RBMS3: variants seen among roughly 807,000 people sequenced by gnomAD.
The protein encoded by RBMS3 is RNA-binding motif, single-stranded-interacting protein 3.
A neutral mutation model predicts 66.8 loss-of-function variants in RBMS3; 27 were observed. The observed-to-expected ratio is 0.40, with a 90% CI of 0.30 to 0.56. The LOEUF is 0.56. Ranked by LOEUF, RBMS3 falls within the 20% of genes least tolerant of loss-of-function variation. The pLI is 0.40. For missense variants in RBMS3, 513 were observed against 549.5 expected (o/e 0.93, Z 0.66); for synonymous variants, 188 against 183.0 (o/e 1.03, Z -0.22).
chr3:29,400,685 T>C (rs1270892697), intron 1 of RBMS3, among the ~76,000 whole-genome samples: 2 of 152,046 alleles, frequency 1.3e-5, no homozygotes, highest in East Asian at 1.9e-4. Flanking sequence ...GCATAGTGAA[T>C]AGGTGAAAAT....
intron 6 of RBMS3, among the ~76,000 whole-genome samples, chr3:29,843,764 C>T (rs1183378023): frequency 6.6e-6 from 1 of 152,012 alleles, no homozygotes; most frequent in Non-Finnish European, 1.5e-5. Context: ...GCCTGGGCAA[C>T]ATAGCAAAAC....
rs1010112624 is a variant in RBMS3, at chr3:30,007,477, A to C, written c.*3615A>C. 6.6e-6 allele frequency: 1 copy of C among 152,102 alleles called. No individual in the cohort carries two copies. Among genetic ancestry groups the C allele is most frequent in the Admixed American group, 6.6e-5 (1 of 15,264 alleles). 9.4% of individuals were successfully genotyped at this position (152,102 alleles called of 1,614,324 possible). A position where few individuals can be genotyped will look rare whatever the true frequency, so the allele number is the denominator to read the frequency against. Reference sequence around the variant, plus strand: ...AAACTAAAGCCACAATCCAAATGAGAGAAACACTGTCTCGTCTAAACTCTA... The same window carrying C: ...AAACTAAAGCCACAATCCAAATGAGCGAAACACTGTCTCGTCTAAACTCTA... On this transcript the variant is annotated 3_prime_UTR_variant, in exon 15 of 15. Transcript: ENST00000383767.
chr3:29,812,342 C>T (rs1407415796), intron 6 of RBMS3, among the ~76,000 whole-genome samples: 1 of 152,172 alleles, frequency 6.6e-6, no homozygotes, highest in African/African-American at 2.4e-5. Context: ...CACCACCTCC[C>T]CTCCTACCTT....
chr3:29,927,573 T>C (rs1182691057), intron 10 of RBMS3, among the ~76,000 whole-genome samples: 1 of 152,010 alleles, frequency 6.6e-6, no homozygotes, highest in African/African-American at 2.4e-5. Flanking sequence ...GTCATAGGAG[T>C]TATTCCCCAG....
chr3:29,961,520 G>T (rs920595755), intron 12 of RBMS3, among the ~76,000 whole-genome samples: 3 of 152,074 alleles, frequency 2.0e-5, no homozygotes, highest in African/African-American at 7.2e-5. Context: ...TTCTCATGCT[G>T]CTATGAAGAA....
Position 29,997,535 on chromosome 3 carries a change from A to C in RBMS3, c.1308-6321A>C, listed in dbSNP as rs562838484. Among the ~76,000 whole-genome samples, 49 of 150,260 alleles carry C rather than the reference A, an allele frequency of 3.3e-4. No homozygotes were observed. The South Asian group carries it at 8.6e-3, about 26-fold the overall frequency. On this transcript the variant is annotated intron_variant, in intron 14 of 14. Coordinates refer to ENST00000383767, the MANE Select transcript of RBMS3 (RefSeq NM_001003793.3). ...AAATCCTCAATAAAATACTGGCAAA[A>C]CGAATCCAGCAGCACATCAAAAAGC...
chr3:29,868,496 C>T (rs147404987), intron 6 of RBMS3, among the ~76,000 whole-genome samples: 36 of 152,258 alleles, frequency 2.4e-4, no homozygotes, highest in South Asian at 8.3e-4. Flanking sequence ...AGTGCAAACA[C>T]GGTTGCTTTG....
rs563254569 is a variant in RBMS3, at chr3:29,993,880, T to G, written c.1307+2671T>G. ...TGGGACTTCTCAATCTTAATAATTG[T>G]GCAAGTCAATTTCTTATTTTAAAAA... On this transcript the variant is annotated intron_variant, in intron 14 of 14. Transcript: ENST00000383767. 2.0e-5 allele frequency among the ~76,000 whole-genome samples: 3 copies of G among 152,296 alleles called. No individual in the cohort carries two copies. In the East Asian group the frequency reaches 5.8e-4, roughly 29 times the overall value.
At chr3:29,790,573 C>T (rs2056976387) in intron 6 of RBMS3, among the ~76,000 whole-genome samples, 1 of 152,084 alleles carries the variant, frequency 6.6e-6, no homozygotes, top group Non-Finnish European at 1.5e-5. Context: ...TGGGACTAAG[C>T]CTACATAGAT....
At chr3:29,989,977 G>A (rs998719949) in intron 13 of RBMS3, among the ~76,000 whole-genome samples, 10 of 152,192 alleles carry the variant, frequency 6.6e-5, no homozygotes, top group African/African-American at 1.4e-4. Flanking sequence ...ATTTGACAGC[G>A]TGGCTTATTG....
intron 6 of RBMS3, among the ~76,000 whole-genome samples, chr3:29,773,279 C>G (rs1414601536): frequency 1.3e-5 from 2 of 151,958 alleles, no homozygotes; most frequent in South Asian, 2.1e-4. Context: ...AGTTTTGAGA[C>G]ACACATTAAA....
chr3:29,545,557 G>C (rs910248236), intron 3 of RBMS3, among the ~76,000 whole-genome samples: 1 of 152,084 alleles, frequency 6.6e-6, no homozygotes, highest in Non-Finnish European at 1.5e-5. Context: ...CAAAGAAACA[G>C]GCATTTCAGC....
intron 4 of RBMS3, among the ~76,000 whole-genome samples, chr3:29,721,040 A>G (rs1385074669): frequency 6.6e-6 from 1 of 152,216 alleles, no homozygotes; most frequent in African/African-American, 2.4e-5. Flanking sequence ...ATGAATTTCA[A>G]AAATATTTAG....
chr3:29,669,684 C>G (rs911891513), intron 4 of RBMS3, among the ~76,000 whole-genome samples: 2 of 152,118 alleles, frequency 1.3e-5, no homozygotes, highest in African/African-American at 4.8e-5. Context: ...TGATTTTTTT[C>G]AGCCTTCACA....
chr3:29,914,223 C>T (rs1270598931), intron 10 of RBMS3, among the ~76,000 whole-genome samples: 1 of 151,844 alleles, frequency 6.6e-6, no homozygotes, highest in Non-Finnish European at 1.5e-5. Context: ...CAGGAAATTT[C>T]AGCCTAGGTG....
At chr3:29,700,895 C>G (rs577740424) in intron 4 of RBMS3, among the ~76,000 whole-genome samples, 70 of 151,988 alleles carry the variant, frequency 4.6e-4, no homozygotes, top group African/African-American at 1.6e-3. Flanking sequence ...TACACGTATA[C>G]GTTGGAGATT....
chr3:29,779,464 G>A (rs2056546297), intron 6 of RBMS3, among the ~76,000 whole-genome samples: 2 of 151,400 alleles, frequency 1.3e-5, no homozygotes, highest in Non-Finnish European at 3.0e-5. Flanking sequence ...CACTGAGTGA[G>A]ATCTGATAAT....
chr3:29,558,371 A>G (rs535773529), intron 3 of RBMS3, among the ~76,000 whole-genome samples: 174 of 152,332 alleles, frequency 1.1e-3, no homozygotes, highest in Non-Finnish European at 2.1e-3. Context: ...TGCAGATTAC[A>G]GGGGCTGACC....
Position 29,579,770 on chromosome 3 carries a change from G to A in RBMS3, c.308-7344G>A, listed in dbSNP as rs151277966. On this transcript the variant is annotated intron_variant, in intron 3 of 14. Coordinates refer to ENST00000383767, the MANE Select transcript of RBMS3 (RefSeq NM_001003793.3). ...AAAGCTTTGCTAGATGGTTCCCAGA[G>A]GTTAATCTGCCCATTTACTGCCAAG... 2.4e-4 allele frequency among the ~76,000 whole-genome samples: 36 copies of A among 152,214 alleles called. 1 individual carries two copies. Among genetic ancestry groups the A allele is most frequent in the Non-Finnish European group, 3.5e-4 (24 of 68,008 alleles).
Sources: allele counts gnomAD v4.1 joint callset (sites outside exome capture counted in the v4.1 genomes callset), GRCh38; gene constraint gnomAD v4.1.1; transcripts MANE v1.5; gene names NCBI Gene and HGNC (gene_info 2026-07-23, HGNC 2026-07-21).